Variants in TTN observed in about 807,000 individuals in gnomAD.
The protein encoded by TTN is connectin.
Under a neutral mutation model 3,223.0 loss-of-function variants are expected in TTN, and 1,525 were observed. The observed-to-expected ratio is 0.47, with a 90% CI of 0.45 to 0.49. The LOEUF (loss-of-function observed/expected upper bound fraction) is 0.49. Ranked by LOEUF, TTN falls within the 20% of genes least tolerant of loss-of-function variation. The pLI is 0.00. For synonymous variants in TTN, 14,094 were observed against 15,161.0 expected (o/e 0.93, Z 5.17); for missense variants, 40,786 against 43,424.0 (o/e 0.94, Z 5.40).
Position 178,652,116 on chromosome 2 carries a change from G to T in TTN, c.39275C>A (p.Pro13092Gln), listed in dbSNP as rs373791597. Residue 13092 changes from proline to glutamine, a missense_variant, in exon 204 of 363, where the codon CCG becomes CAG. Coordinates refer to ENST00000589042, the MANE Select transcript of TTN (RefSeq NM_001267550.2). ...ATTACCTTCAGGGGGAGGACTTTCC[G>T]GTTTGGGAGGAATAGCTTCAGGCAC... ...KKVPEAIPPK[P>Q]ESPPPEVFEE... The T allele has an allele frequency of 1.2e-6, 2 of 1,612,842 alleles. No individual in the cohort carries two copies. The highest frequency in any genetic ancestry group is 1.7e-6 in the Non-Finnish European group (2 of 1,179,684).
In TTN at chr2:178,590,892, G is replaced by A; in HGVS notation, c.60833C>T (p.Pro20278Leu). 1 of 1,611,628 alleles carries A rather than the reference G, an allele frequency of 6.2e-7. No individual in the cohort carries two copies. The highest frequency in any genetic ancestry group is 1.1e-5 in the South Asian group (1 of 91,006). Residue 20278 changes from proline (P) to leucine (L), a missense_variant, in exon 304 of 363, where the codon CCA becomes CTA. Physicochemically the swap from Pro to Leu is moderately conservative, Grantham distance 98. Transcript: ENST00000589042. ...ATTTTCAGTAATGTCAGTAACCACT[G>A]GTTTACCAGGAGGAGACGGAGGACT... ...KFSPPSPPGK[P>L]VVTDITENAA...
At chr2:178,777,606 A>G in intron 25 of TTN, 22 bp from the exon 26 acceptor site, 2 of 1,613,626 alleles carry the variant, frequency 1.2e-6, no homozygotes, top group South Asian at 1.1e-5. Flanking sequence ...TGTTTAAAAG[A>G]AAGTAGATTT....
Position 178,718,939 on chromosome 2 carries a change from C to T in TTN, c.24261G>A (p.Val8087=). 2 of 1,611,116 alleles carry T rather than the reference C, an allele frequency of 1.2e-6. No individual in the cohort carries two copies. The highest frequency in any genetic ancestry group is 4.5e-5 in the East Asian group (2 of 44,700). The change falls in exon 84 of 363, where the codon GTG becomes GTA. Residue 8087 remains valine (V), a synonymous_variant. Coordinates refer to ENST00000589042, the MANE Select transcript of TTN (RefSeq NM_001267550.2). ...TGAGGCTCATTCCAGGCAAAACTTCCACAGAATCAGGGGTTTGTTCAAAAG... is the reference window on the plus strand; with the variant it reads ...TGAGGCTCATTCCAGGCAAAACTTCTACAGAATCAGGGGTTTGTTCAAAAG... ...PPSFEQTPDS[V]EVLPGMSLTF... is the part of the protein sequence containing the mutation.
chr2:178,757,985 T>C, intron 44 of TTN, 69 bp from the exon 45 acceptor site: 3 of 1,465,846 alleles, frequency 2.0e-6, no homozygotes, highest in Non-Finnish European at 2.7e-6. Context: ...TGGAGTTGTC[T>C]ACAGATTTGT....
In TTN at chr2:178,550,044, T is replaced by C; in HGVS notation, c.91794A>G (p.Thr30598=). ...AACCAGATGCATTTTTGGCTTCCAC[T>C]GTGTATACACCACGATGGTCCCGAG... ...DATRDHRGVY[T]VEAKNASGSA... is the part of the protein sequence containing the mutation. The change falls in exon 337 of 363, where the codon ACA becomes ACG. Residue 30598 remains threonine (T), a synonymous_variant. Transcript: ENST00000589042. The C allele has an allele frequency of 1.2e-6, 2 of 1,613,678 alleles. No homozygotes were observed. The highest frequency in any genetic ancestry group is 1.7e-6 in the Non-Finnish European group (2 of 1,179,670).
intron 218 of TTN, among the ~76,000 whole-genome samples, chr2:178,642,707 T>A (rs955320439): frequency 6.6e-6 from 1 of 151,984 alleles, no homozygotes; most frequent in Non-Finnish European, 1.5e-5. Context: ...ATGAAAATGA[T>A]ACTGGCAAGT....
chr2:178,564,428 A>G lies in TTN; in HGVS notation c.81704T>C (p.Leu27235Pro). ...AAATTCATATCTTTGGTCTTCTACA[A>G]GTCCACTCACTGTAAATTCAGTTTC... is the stretch of plus-strand genomic sequence containing the variant. ...VLETEFTVSG[L>P]VEDQRYEFRV... The change falls in exon 326 of 363, where the codon CTT (leucine) becomes CCT (proline). Residue 27235 changes from leucine (L) to proline (P), a missense_variant. Physicochemically the swap from Leu to Pro is moderately conservative, Grantham distance 98. Coordinates refer to ENST00000589042, the MANE Select transcript of TTN (RefSeq NM_001267550.2). The G allele has an allele frequency of 2.5e-6, 4 of 1,613,060 alleles. No homozygotes were observed. The highest frequency in any genetic ancestry group is 3.4e-6 in the Non-Finnish European group (4 of 1,179,458).
Position 178,530,299 on chromosome 2 carries a change from A to G in TTN, c.106316T>C (p.Phe35439Ser). 6.2e-7 allele frequency: 1 copy of G among 1,613,386 alleles called. No individual in the cohort carries two copies. Among genetic ancestry groups the G allele is most frequent in the Admixed American group, 1.7e-5 (1 of 60,018 alleles). Residue 35439 changes from phenylalanine to serine, a missense_variant, in exon 358 of 363, where the codon TTT becomes TCT. Physicochemically the swap from Phe to Ser is radical, Grantham distance 155 (BLOSUM62 -2). Transcript: ENST00000589042. ...TTVSSDSVAKFAVKATGEPRP... is the reference protein window; with the variant it reads ...TTVSSDSVAKSAVKATGEPRP... The stretch of plus-strand genomic sequence containing the variant: ...GGGTTCTCCAGTAGCCTTAACTGCA[A>G]ATTTAGCAACACTGTCTGAAGAAAC...
intron 240 of TTN, among the ~76,000 whole-genome samples, chr2:178,628,288 C>T (rs532277804): frequency 1.3e-5 from 2 of 152,010 alleles, no homozygotes; most frequent in Admixed American, 6.6e-5. Flanking sequence ...TTTTGTTAAA[C>T]TGAATCACTT....
rs2154295111 is a variant in TTN, at chr2:178,710,894, G to A, written c.28203C>T (p.Ile9401=). 6.2e-7 allele frequency: 1 copy of A among 1,613,422 alleles called. No homozygotes were observed. Among genetic ancestry groups the A allele is most frequent in the African/African-American group, 1.3e-5 (1 of 75,054 alleles). Residue 9401 remains isoleucine, a synonymous_variant, in exon 98 of 363, where the codon ATC becomes ATT. Transcript: ENST00000589042. The part of the protein sequence containing the change: ...TEGKNPPFFD[I]RLAPVDAVVG... ...CCACAGCATCCACAGGGGCAAGACG[G>A]ATGTCAAAGAAGGGTGGGTTCTTCC... is the stretch of plus-strand genomic sequence containing the variant.
At chr2:178,680,593 G>C (rs2069152278) in intron 138 of TTN, among the ~76,000 whole-genome samples, 1 of 151,886 alleles carries the variant, frequency 6.6e-6, no homozygotes, top group Admixed American at 6.6e-5. Flanking sequence ...AAATATCTCT[G>C]CTTGAAAGAA....
At chr2:178,538,337 C>T (rs994380064) in intron 354 of TTN, 4 of 534,422 alleles carry the variant, frequency 7.5e-6, no homozygotes, top group East Asian at 6.0e-5. Context: ...GTGCTCAGTT[C>T]ACTCCATCTA....
intron 49 of TTN, among the ~76,000 whole-genome samples, chr2:178,736,420 G>A (rs1193367595): frequency 6.6e-6 from 1 of 152,182 alleles, no homozygotes; most frequent in Non-Finnish European, 1.5e-5. Context: ...AGAAGATTAT[G>A]TAAGGAAGAT....
Position 178,629,349 on chromosome 2 carries a change from GA to G in TTN, c.44375del (p.Ile14792ThrfsTer12). 1 of 1,612,832 alleles carries G rather than the reference GA, an allele frequency of 6.2e-7. No individual in the cohort carries two copies. Among genetic ancestry groups the G allele is most frequent in the Non-Finnish European group, 8.5e-7 (1 of 1,179,286 alleles). ...TFDCELSYED[I>X]PVEWYLKGKK... ...TCCCTTTGAGATACCATTCCACTGG[GA>G]TATCTTCGTAGGAGAGCTCGCAGTC... On this transcript the variant is annotated frameshift_variant, in exon 240 of 363. Transcript: ENST00000589042. LOFTEE classifies it high-confidence loss of function.
intron 355 of TTN, 47 bp from the exon 356 acceptor site, chr2:178,537,290 G>C: frequency 6.5e-7 from 1 of 1,531,320 alleles, no homozygotes; most frequent in Non-Finnish European, 8.7e-7. Context: ...GTGTGTTTTT[G>C]AGATTTTTTT....
Position 178,725,629 on chromosome 2 carries a change from T to G in TTN, c.20575A>C (p.Lys6859Gln). 1 of 1,588,460 alleles carries G rather than the reference T, an allele frequency of 6.3e-7. No individual in the cohort carries two copies. Among genetic ancestry groups the G allele is most frequent in the Non-Finnish European group, 8.6e-7 (1 of 1,166,252 alleles). ...GCTACAACAGTGAGGCTGTTCAGTT[T>G]GGAGACAAATCTTGGTGGTTCTGAA... is the stretch of plus-strand genomic sequence containing the variant. ...KLKEPPRFVS[K>Q]LNSLTVVAGE... Residue 6859 changes from lysine (K) to glutamine (Q), a missense_variant, in exon 71 of 363, where the codon AAA (lysine) becomes CAA (glutamine). Transcript: ENST00000589042.
Position 178,581,661 on chromosome 2 carries a change from A to C in TTN, c.66607T>G (p.Trp22203Gly). 1 of 1,612,774 alleles carries C rather than the reference A, an allele frequency of 6.2e-7. No individual in the cohort carries two copies. Among genetic ancestry groups the C allele is most frequent in the Non-Finnish European group, 8.5e-7 (1 of 1,179,282 alleles). ...VEVKRADSDNWVRCNLPQNLQ... is the reference protein window; with the variant it reads ...VEVKRADSDNGVRCNLPQNLQ... ...TTCTGTGGTAAGTTGCACCTCACCC[A>C]GTTATCGGAGTCAGCCCGTTTTACT... Residue 22203 changes from tryptophan (W) to glycine (G), a missense_variant, in exon 316 of 363, where the codon TGG becomes GGG. Transcript: ENST00000589042.
chr2:178,602,583 C>T lies in TTN; in HGVS notation c.54819G>A (p.Pro18273=), dbSNP rs373624715. Residue 18273 remains proline, a synonymous_variant, in exon 283 of 363, where the codon CCG becomes CCA. Coordinates refer to ENST00000589042, the MANE Select transcript of TTN (RefSeq NM_001267550.2). ...TAACTTCTGGGCAAGAAGGTGGCCC[C>T]GGTGGAACTAATAACAAAAGAAAAA... is the stretch of plus-strand genomic sequence containing the variant. The part of the protein sequence containing the change: ...PEVAGDPIFP[P]GPPSCPEVKD... 6.3e-5 allele frequency: 94 copies of T among 1,497,456 alleles called. No individual in the cohort carries two copies. Among genetic ancestry groups the T allele is most frequent in the South Asian group, 2.6e-4 (19 of 74,150 alleles). 92.8% of individuals were successfully genotyped at this position (1,497,456 alleles called of 1,614,324 possible).
rs1290574317 is a variant in TTN, at chr2:178,718,444, A to T, written c.24662T>A (p.Met8221Lys). The change falls in exon 85 of 363, where the codon ATG becomes AAG. Residue 8221 changes from methionine to lysine, a missense_variant. Physicochemically the swap from Met to Lys is moderately conservative, Grantham distance 95. Transcript: ENST00000589042. ...ISQSERCSIT[M>K]TEKSTILEIL... Reference sequence around the variant, plus strand: ...TTCCAGTATGGTAGATTTTTCTGTCATAGTAATACTGCATCTCTCAGATTG... The same window carrying T: ...TTCCAGTATGGTAGATTTTTCTGTCTTAGTAATACTGCATCTCTCAGATTG... The T allele has an allele frequency of 6.2e-7, 1 of 1,613,782 alleles. No homozygotes were observed. Among genetic ancestry groups the T allele is most frequent in the Admixed American group, 1.7e-5 (1 of 60,012 alleles).
Sources: gnomAD v4.1 joint callset for allele counts (sites outside exome capture counted in the v4.1 genomes callset) on GRCh38, gnomAD v4.1.1 for gene constraint, MANE v1.5 for transcripts, NCBI Gene and HGNC (gene_info 2026-07-23, HGNC 2026-07-21) for gene names.